The following BAZ1A variants were observed in gnomAD, a reference collection of about 807,000 sequenced individuals.
BAZ1A encodes the protein bromodomain adjacent to zinc finger domain protein 1A.
BAZ1A carries 50 observed loss-of-function variants against 185.2 expected under a neutral mutation model. That is an observed-to-expected ratio of 0.27 (90% CI 0.22 to 0.34). BAZ1A has a LOEUF of 0.34. BAZ1A is among the 10% of genes least tolerant of loss of function. BAZ1A has a pLI of 1.00. For missense variants in BAZ1A, 1,356 were observed against 1,839.9 expected, an observed-to-expected ratio of 0.74 and a Z score of 4.81; for synonymous variants, 571 against 615.6, an observed-to-expected ratio of 0.93 and a Z score of 1.07.
intron 4 of BAZ1A, among the ~76,000 whole-genome samples, chr14:34,821,629 G>A (rs1030452431): frequency 1.3e-5 from 2 of 152,200 alleles, no homozygotes; most frequent in African/African-American, 2.4e-5. Flanking sequence ...AAACAAGTAC[G>A]TATTTTATGA....
intron 6 of BAZ1A, 65 bp downstream of exon 6, chr14:34,807,386 A>T: frequency 8.6e-7 from 1 of 1,163,990 alleles, no homozygotes; most frequent in Non-Finnish European, 1.2e-6. Context: ...CAGCAATGTT[A>T]TAACTTTATA....
chr14:34,863,869 G>A (rs533348257), intron 2 of BAZ1A, among the ~76,000 whole-genome samples: 1 of 150,360 alleles, frequency 6.7e-6, no homozygotes, highest in South Asian at 2.1e-4. Context: ...TTTTTTAAGA[G>A]AGTCTCACTC....
chr14:34,846,243 T>TC (rs1224243148), intron 3 of BAZ1A, among the ~76,000 whole-genome samples: 3 of 152,196 alleles, frequency 2.0e-5, no homozygotes, highest in African/African-American at 7.2e-5. Context: ...TACTTGCCAC[T>TC]CCCCATTTTA....
At chr14:34,806,379 C>A (rs1370079383) in intron 6 of BAZ1A, among the ~76,000 whole-genome samples, 1 of 152,044 alleles carries the variant, frequency 6.6e-6, no homozygotes, top group Non-Finnish European at 1.5e-5. Flanking sequence ...TTCTGTTGTG[C>A]AGATTACTTT....
At position 34,826,109 on chromosome 14, in the gene BAZ1A, C is replaced by T. The variant is rs904610386; in HGVS notation, c.440G>A (p.Gly147Asp). Reference protein sequence around the residue: ...LEVLPPSHQNGFANGHVNSVD... With the variant: ...LEVLPPSHQNDFANGHVNSVD... ...ACTGTTAACATGTCCATTAGCAAAA[C>T]CATTTTGATGTGATGGAGGGAGGAC... The change falls in exon 4 of 27, where the codon GGT (glycine) becomes GAT (aspartate). Residue 147 changes from glycine to aspartate, a missense_variant. By Grantham distance (94) the Gly-to-Asp change is moderately conservative. Around this residue, in one of 7 missense-constraint regions of BAZ1A, gnomAD observed 332 missense variants for 395.3 expected, o/e 0.84. Transcript: ENST00000360310. 1.2e-6 allele frequency: 2 copies of T among 1,612,708 alleles called. No homozygotes were observed. The highest frequency in any genetic ancestry group is 1.7e-4 in the Middle Eastern group (1 of 6,054).
At chr14:34,872,063 T>G (rs773257813) in intron 2 of BAZ1A, among the ~76,000 whole-genome samples, 3 of 152,146 alleles carry the variant, frequency 2.0e-5, no homozygotes, top group Non-Finnish European at 4.4e-5. Context: ...TTCTTCCAAT[T>G]TTGTCAAAAT....
chr14:34,854,379 G>A (rs919061410), intron 3 of BAZ1A, among the ~76,000 whole-genome samples: 5 of 152,160 alleles, frequency 3.3e-5, no homozygotes, highest in South Asian at 2.1e-4. Flanking sequence ...CCGAGGTCAC[G>A]CTACTGCACT....
chr14:34,786,764 C>T (rs943821666), intron 12 of BAZ1A, among the ~76,000 whole-genome samples: 8 of 151,716 alleles, frequency 5.3e-5, no homozygotes, highest in East Asian at 1.9e-4. Context: ...CCTGCCACCA[C>T]GCCCGGCTAA....
At chr14:34,833,168 G>A (rs1220614326) in intron 3 of BAZ1A, among the ~76,000 whole-genome samples, 1 of 152,052 alleles carries the variant, frequency 6.6e-6, no homozygotes. Flanking sequence ...CTTGAGCCTG[G>A]GAAGTTGAGG....
intron 5 of BAZ1A, among the ~76,000 whole-genome samples, chr14:34,807,998 G>A (rs571823213): frequency 1.9e-4 from 29 of 151,812 alleles, no homozygotes; most frequent in South Asian, 1.7e-3. Flanking sequence ...CCAGCTACTC[G>A]GGAGGCTGAG....
Position 34,756,477 on chromosome 14 carries a change from T to A in BAZ1A, c.4387-1563A>T, listed in dbSNP as rs1353118960. Among the ~76,000 whole-genome samples, 3 of 138,288 alleles carry A rather than the reference T, an allele frequency of 2.2e-5. No homozygotes were observed. In the East Asian group the frequency reaches 6.4e-4, roughly 29 times the overall value. The allele number at this position is 138,288 out of a possible 152,430, so 90.7% of individuals were successfully genotyped here. On this transcript the variant is annotated intron_variant, in intron 25 of 26. Transcript: ENST00000360310. ...CAGCCAGAATACCTATTTTTTTTTT[T>A]TTTTTTTTTTTTTTGAGACAGAGTC...
At chr14:34,758,436 C>T (rs868484207) in intron 25 of BAZ1A, 26 of 285,556 alleles carry the variant, frequency 9.1e-5, no homozygotes, top group East Asian at 5.9e-4. Flanking sequence ...AAATATTAGC[C>T]GGGTGTGGTG....
At chr14:34,864,426 A>T (rs1176750918) in intron 2 of BAZ1A, among the ~76,000 whole-genome samples, 1 of 152,014 alleles carries the variant, frequency 6.6e-6, no homozygotes, top group Admixed American at 6.6e-5. Context: ...TAGAGGCATG[A>T]GCCACCGCAT....
intron 11 of BAZ1A, among the ~76,000 whole-genome samples, chr14:34,793,567 G>T (rs757399752): frequency 3.3e-5 from 5 of 152,190 alleles, no homozygotes; most frequent in Non-Finnish European, 7.3e-5. Context: ...CCAGCACTTT[G>T]CGAGGCCAAG....
rs535500434 is a variant in BAZ1A, at chr14:34,795,559, G to A, written c.1224+111C>T. 24 of 658,326 alleles carry A rather than the reference G, an allele frequency of 3.6e-5. No individual in the cohort carries two copies. The East Asian group carries it at 3.9e-4, about 11-fold the overall frequency. 40.8% of individuals were successfully genotyped at this position (658,326 alleles called of 1,614,324 possible). On this transcript the variant is annotated intron_variant, in intron 10 of 26. Transcript: ENST00000360310. ...TTTGCTTAACTAGCTATTTCCTCTC[G>A]GTTAAATATAAAGAGAAGAGGCTGC...
chr14:34,775,250 C>T (rs1879516578), intron 18 of BAZ1A, among the ~76,000 whole-genome samples: 1 of 151,982 alleles, frequency 6.6e-6, no homozygotes, highest in African/African-American at 2.4e-5. Flanking sequence ...AGTTTTTAAT[C>T]CTGAAAAAAA....
intron 14 of BAZ1A, among the ~76,000 whole-genome samples, chr14:34,785,101 C>G (rs1880352044): frequency 6.6e-6 from 1 of 152,158 alleles, no homozygotes; most frequent in Admixed American, 6.5e-5. Context: ...GGTGATCTGC[C>G]CACCTTGGCC....
At position 34,776,466 on chromosome 14, in the gene BAZ1A, G is replaced by C. The variant is rs1343209111; in HGVS notation, c.2286C>G (p.Ile762Met). 2 of 1,613,250 alleles carry C rather than the reference G, an allele frequency of 1.2e-6. No individual in the cohort carries two copies. Among genetic ancestry groups the C allele is most frequent in the East Asian group, 4.5e-5 (2 of 44,896 alleles). ...GFKEFTRQEQ[I>M]NCVTREPLTA... is the part of the protein sequence containing the mutation. ...TAAGAGGCTCTCTTGTTACACAGTT[G>C]ATCTGTTCTTGCCTTGTAAATTCTT... is the stretch of plus-strand genomic sequence containing the variant. Residue 762 changes from isoleucine (I) to methionine (M), a missense_variant, in exon 18 of 27, where the codon ATC (isoleucine) becomes ATG (methionine). This residue lies in a region of BAZ1A where 434 missense variants were observed against 561.7 expected (regional missense o/e 0.77). Coordinates refer to ENST00000360310, the MANE Select transcript of BAZ1A (RefSeq NM_013448.3).
In BAZ1A at chr14:34,789,616, G is replaced by A. The variant is rs781642382; in HGVS notation, c.1510+3159C>T. ...TACACAAAACTGTTCTATATAAAGA[G>A]GATGCTCTTGTTCCCATACTTTGAA... On this transcript the variant is annotated intron_variant, in intron 12 of 26. Transcript: ENST00000360310. 1.2e-3 allele frequency among the ~76,000 whole-genome samples: 189 copies of A among 152,132 alleles called. 1 individual carries two copies. Among genetic ancestry groups the A allele is most frequent in the Non-Finnish European group, 1.6e-4 (11 of 68,026 alleles).
Sources: allele counts gnomAD v4.1 joint callset (sites outside exome capture counted in the v4.1 genomes callset), GRCh38; gene constraint gnomAD v4.1.1; regional missense constraint gnomAD v4.1.1; transcripts MANE v1.5; gene names NCBI Gene and HGNC (gene_info 2026-07-23, HGNC 2026-07-21).